IGSF10: variants seen among roughly 807,000 people sequenced by gnomAD.
IGSF10 encodes calvaria mechanical force protein 608.
Under a neutral mutation model 128.2 loss-of-function variants are expected in IGSF10, and 126 were observed. That is an observed-to-expected ratio of 0.98 (90% CI 0.85 to 1.14). The LOEUF (loss-of-function observed/expected upper bound fraction) is 1.14, where lower values mean the gene tolerates loss of function less well. IGSF10 is among the 50% of genes most tolerant of loss of function. The pLI is 0.00. For missense variants in IGSF10, 3,295 were observed against 3,149.8 expected (o/e 1.05, Z -1.10); for synonymous variants, 1,185 against 1,146.2 (o/e 1.03, Z -0.68).
At chr3:151,508,893 T>A in the IGSF10 span, among the ~76,000 whole-genome samples, 1 of 152,222 alleles carries the variant, frequency 6.6e-6, no homozygotes, top group African/African-American at 2.4e-5. Context: ...TTCTAATATG[T>A]CTGAGTTTAT....
intron 6 of IGSF10, among the ~76,000 whole-genome samples, chr3:151,444,287 A>T (rs1266194566): frequency 6.6e-6 from 1 of 152,120 alleles, no homozygotes; most frequent in East Asian, 1.9e-4. Context: ...CAGATTGCTA[A>T]AATTATTCCT....
the IGSF10 span, among the ~76,000 whole-genome samples, chr3:151,588,031 A>C: frequency 6.6e-6 from 1 of 152,226 alleles, no homozygotes; most frequent in Admixed American, 6.5e-5. Flanking sequence ...TTGAAGAAGT[A>C]AAGTCAAAAG....
upstream of IGSF10, among the ~76,000 whole-genome samples, chr3:151,465,830 A>G (rs926943787): frequency 3.4e-4 from 52 of 152,328 alleles, no homozygotes; most frequent in African/African-American, 1.1e-3. Context: ...ATCTAATTTA[A>G]TCGGTAGACA....
At chr3:151,511,406 A>G in the IGSF10 span, among the ~76,000 whole-genome samples, 2 of 152,238 alleles carry the variant, frequency 1.3e-5, no homozygotes, top group African/African-American at 4.8e-5. Context: ...TTCACAGGCA[A>G]GCAAATGCTG....
the IGSF10 span, among the ~76,000 whole-genome samples, chr3:151,542,794 T>C: frequency 6.6e-6 from 1 of 152,224 alleles, no homozygotes; most frequent in Non-Finnish European, 1.5e-5. Flanking sequence ...AAAGTTACTG[T>C]TGATGATTGT....
intron 7 of IGSF10, among the ~76,000 whole-genome samples, chr3:151,441,858 A>G (rs148243882): frequency 0.092 from 14,027 of 152,156 alleles, 1,137 homozygotes; most frequent in African/African-American, 0.22. Context: ...TCAGGAGATC[A>G]AGACCATCCT....
In IGSF10 at chr3:151,443,799, C is replaced by T. The variant is rs1165018955; in HGVS notation, c.5148G>A (p.Gln1716=). 3 of 1,614,008 alleles carry T rather than the reference C, an allele frequency of 1.9e-6. No homozygotes were observed. The highest frequency in any genetic ancestry group is 2.5e-6 in the Non-Finnish European group (3 of 1,180,026). Residue 1716 remains glutamine (Q), a synonymous_variant, in exon 7 of 8, where the codon CAG becomes CAA. Coordinates refer to ENST00000282466, the MANE Select transcript of IGSF10 (RefSeq NM_178822.5). ...GTLSIQRVEI[Q]DRGQYLCSAS... ...CGGAACACAAGTACTGTCCGCGGTC[C>T]TGAATTTCCACCCTCTGGATGGACA...
At chr3:151,442,912 C>G (rs1056092706) in intron 7 of IGSF10, 72 bp downstream of exon 7, 3 of 1,405,356 alleles carry the variant, frequency 2.1e-6, no homozygotes, top group Non-Finnish European at 2.9e-6. Flanking sequence ...CACTGTGTCA[C>G]TTTTTCCATT....
intron 7 of IGSF10, among the ~76,000 whole-genome samples, chr3:151,442,678 C>T (rs774509157): frequency 2.0e-5 from 3 of 151,682 alleles, no homozygotes; most frequent in Non-Finnish European, 1.5e-5. Context: ...CGTGAGCCAC[C>T]GTGCCTGTCC....
the IGSF10 span, among the ~76,000 whole-genome samples, chr3:151,484,703 G>C: frequency 6.9e-6 from 1 of 145,312 alleles, no homozygotes; most frequent in Non-Finnish European, 1.5e-5. Flanking sequence ...ACCTGCAAAA[G>C]AGGGGCCTGT....
Position 151,445,629 on chromosome 3 carries a change from G to T in IGSF10, c.4352C>A (p.Thr1451Lys), listed in dbSNP as rs371326424. The T allele has an allele frequency of 6.2e-7, 1 of 1,614,222 alleles. No individual in the cohort carries two copies. The highest frequency in any genetic ancestry group is 8.5e-7 in the Non-Finnish European group (1 of 1,180,026). Residue 1451 changes from threonine to lysine, a missense_variant, in exon 6 of 8, where the codon ACA (threonine) becomes AAA (lysine). Transcript: ENST00000282466. ...TLSSKSHQST[T>K]TRKAIIRHST... ...GTGTCTAATGATTGCTTTCCTAGTT[G>T]TGGTACTCTGGTGTGATTTGCTGGA...
the IGSF10 span, among the ~76,000 whole-genome samples, chr3:151,511,528 C>T: frequency 6.6e-6 from 1 of 152,108 alleles, no homozygotes; most frequent in Non-Finnish European, 1.5e-5. Context: ...ATTGTAAAGA[C>T]CATCAAGGCT....
At chr3:151,587,707 C>A in the IGSF10 span, among the ~76,000 whole-genome samples, 28 of 152,278 alleles carry the variant, frequency 1.8e-4, no homozygotes, top group Middle Eastern at 6.8e-3. Context: ...CCATAATTCC[C>A]ACATGTCATG....
chr3:151,520,255 A>C, the IGSF10 span, among the ~76,000 whole-genome samples: 2 of 151,814 alleles, frequency 1.3e-5, no homozygotes, highest in African/African-American at 4.8e-5. Flanking sequence ...TGTTTTATAG[A>C]ATACTGCAGA....
chr3:151,591,986 T>C, the IGSF10 span, among the ~76,000 whole-genome samples: 1 of 152,148 alleles, frequency 6.6e-6, no homozygotes, highest in Non-Finnish European at 1.5e-5. Context: ...GTTTGTACCA[T>C]CAAAAGAAGG....
At chr3:151,485,206 T>A in the IGSF10 span, among the ~76,000 whole-genome samples, 1 of 151,876 alleles carries the variant, frequency 6.6e-6, no homozygotes, top group East Asian at 1.9e-4. Context: ...ATATCAGAGA[T>A]TGAGGATCAA....
rs1455667178 is a variant in IGSF10 at position 151,458,599 on chromosome 3, C to A, written c.111G>T (p.Met37Ile). 6.2e-7 allele frequency: 1 copy of A among 1,614,172 alleles called. No homozygotes were observed. The highest frequency in any genetic ancestry group is 2.2e-5 in the East Asian group (1 of 44,882). ...GAAATGTGCAGTGTACCTCCGTAGG[C>A]ATATAACAGGCACAGCGGCGAGGAC... is the stretch of plus-strand genomic sequence containing the variant. ...KACPRRCACY[M>I]PTEVHCTFRY... The change falls in exon 3 of 8, where the codon ATG (methionine) becomes ATT (isoleucine). Residue 37 changes from methionine (M) to isoleucine (I), a missense_variant. Physicochemically the swap from Met to Ile is conservative, Grantham distance 10 (BLOSUM62 1). Coordinates refer to ENST00000282466, the MANE Select transcript of IGSF10 (RefSeq NM_178822.5).
At chr3:151,456,966 G>C (rs1721824503) in intron 4 of IGSF10, 60 bp downstream of exon 4, 2 of 1,566,686 alleles carry the variant, frequency 1.3e-6, no homozygotes, top group African/African-American at 1.4e-5. Flanking sequence ...GCCTTTGAAG[G>C]TCTATCTCAC....
the IGSF10 span, among the ~76,000 whole-genome samples, chr3:151,466,220 C>G: frequency 6.6e-6 from 1 of 151,938 alleles, no homozygotes; most frequent in East Asian, 1.9e-4. Context: ...CTCTGGCGAC[C>G]CCCAGAAATA....
Sources: gnomAD v4.1 joint callset for allele counts (sites outside exome capture counted in the v4.1 genomes callset) on GRCh38, gnomAD v4.1.1 for gene constraint, MANE v1.5 for transcripts, NCBI Gene and HGNC (gene_info 2026-07-23, HGNC 2026-07-21) for gene names.